GYS2: variants seen among roughly 807,000 people sequenced by gnomAD.
GYS2 encodes glycogen [starch] synthase, liver.
Under a neutral mutation model 85.6 loss-of-function variants are expected in GYS2, and 80 were observed. The observed-to-expected ratio is 0.93, with a 90% CI of 0.78 to 1.13. The LOEUF is 1.13. Among genes scored for constraint, GYS2 ranks in the 50% most tolerant of loss-of-function variants. GYS2 has a pLI of 0.00. For missense variants in GYS2, 881 were observed against 854.9 expected (o/e 1.03, Z -0.38); for synonymous variants, 328 against 300.7 (o/e 1.09, Z -0.94).
At position 21,536,724 on chromosome 12, in the gene GYS2, C is replaced by T. The variant is rs1160785938; in HGVS notation, c.*230G>A. ...TTCCGTCTTCTGCCTTTAATGAGTG[C>T]TCCTCCTCATGCCTAACTTTATGGG... is the stretch of plus-strand genomic sequence containing the variant. On this transcript the variant is annotated 3_prime_UTR_variant, in exon 16 of 16. Transcript: ENST00000261195. 2 of 564,682 alleles carry T rather than the reference C, an allele frequency of 3.5e-6. No individual in the cohort carries two copies. The highest frequency in any genetic ancestry group is 3.2e-6 in the Non-Finnish European group (1 of 317,282). 35.0% of individuals were successfully genotyped at this position (564,682 alleles called of 1,614,324 possible). A position where few individuals can be genotyped will look rare whatever the true frequency, so the allele number is the denominator to read the frequency against.
At chr12:21,578,984 G>A (rs922595966) in intron 2 of GYS2, among the ~76,000 whole-genome samples, 2 of 152,016 alleles carry the variant, frequency 1.3e-5, no homozygotes, top group African/African-American at 2.4e-5. Context: ...CACAACTTCT[G>A]TGTCTTTTTT....
At chr12:21,560,781 GCCTTTGA>G (rs1447360785) in intron 7 of GYS2, among the ~76,000 whole-genome samples, 2 of 152,000 alleles carry the variant, frequency 1.3e-5, no homozygotes, top group African/African-American at 4.8e-5. Flanking sequence ...ATATTTTCGT[GCCTTTGA>G]CCATCTAGAA....
At chr12:21,560,244 G>A (rs528878599) in intron 8 of GYS2, 142 bp downstream of exon 8, 4 of 661,396 alleles carry the variant, frequency 6.0e-6, no homozygotes, top group Admixed American at 2.3e-5. Context: ...ATAGTAGCAC[G>A]ATGAAAAGAG....
In GYS2 at chr12:21,539,276, T is replaced by C. The variant is rs142883971; in HGVS notation, c.1872A>G (p.Glu624=). ...TATTTACCGTTGGTGGTGATGTTAG[T>C]TCCACATGGAATTTATCTGGAAAAG... ...SRAFPDKFHV[E]LTSPPTTEGF... is the part of the protein sequence containing the mutation. The change falls in exon 15 of 16, where the codon GAA becomes GAG. Residue 624 remains glutamate, a synonymous_variant. Transcript: ENST00000261195. The C allele has an allele frequency of 9.4e-4, 1,500 of 1,587,868 alleles. 14 individuals are homozygous for C. The African/African-American group carries it at 0.019, about 20-fold the overall frequency.
chr12:21,554,024 GC>G (rs1196414102), intron 11 of GYS2, among the ~76,000 whole-genome samples: 1 of 152,084 alleles, frequency 6.6e-6, no homozygotes, highest in African/African-American at 2.4e-5. Context: ...CACAAGTGCT[GC>G]TGCTGTGTGT....
At chr12:21,599,933 T>C (rs911649959) in intron 1 of GYS2, among the ~76,000 whole-genome samples, 4 of 152,098 alleles carry the variant, frequency 2.6e-5, no homozygotes, top group Admixed American at 1.3e-4. Flanking sequence ...TTTCTTTTAA[T>C]TTTCACAACA....
chr12:21,559,563 C>A (rs199563712), intron 9 of GYS2, 88 bp downstream of exon 9: 2 of 800,758 alleles, frequency 2.5e-6, no homozygotes, highest in African/African-American at 1.7e-5. Context: ...ATATTTGGAA[C>A]AAAATTAATA....
At chr12:21,551,778 A>G (rs117204215) in intron 11 of GYS2, among the ~76,000 whole-genome samples, 3,129 of 152,340 alleles carry the variant, frequency 0.021, 64 homozygotes, top group Non-Finnish European at 0.029. Flanking sequence ...CTCACTACAA[A>G]AAAAGACAAA....
In GYS2 at chr12:21,536,749, G is replaced by T; in HGVS notation, c.*205C>A. The T allele has an allele frequency of 1.7e-6, 1 of 590,964 alleles. No homozygotes were observed. Among genetic ancestry groups the T allele is most frequent in the Admixed American group, 2.9e-5 (1 of 34,890 alleles). 36.6% of individuals were successfully genotyped at this position (590,964 alleles called of 1,614,324 possible). On this transcript the variant is annotated 3_prime_UTR_variant, in exon 16 of 16. Coordinates refer to ENST00000261195, the MANE Select transcript of GYS2 (RefSeq NM_021957.4). ...CTCCTCCTCATGCCTAACTTTATGGGGGAAACAAGAGTTGGGGAAAATAAC... is the reference window on the plus strand; with the variant it reads ...CTCCTCCTCATGCCTAACTTTATGGTGGAAACAAGAGTTGGGGAAAATAAC...
intron 3 of GYS2, among the ~76,000 whole-genome samples, chr12:21,575,426 C>T (rs1361199054): frequency 6.6e-6 from 1 of 152,132 alleles, no homozygotes; most frequent in Non-Finnish European, 1.5e-5. Context: ...TTGAAGAAGG[C>T]TGAGCAGAGA....
At chr12:21,580,663 A>G (rs923172131) in intron 1 of GYS2, 140 bp from the exon 2 acceptor site, 2 of 721,304 alleles carry the variant, frequency 2.8e-6, no homozygotes, top group Admixed American at 2.1e-5. Context: ...TTCAAAAATA[A>G]TAGTATTTGA....
intron 3 of GYS2, 36 bp from the exon 4 acceptor site, chr12:21,574,362 T>C (rs1262930705): frequency 2.0e-6 from 3 of 1,477,438 alleles, no homozygotes; most frequent in Admixed American, 1.7e-5. Flanking sequence ...AGAAAAGTTG[T>C]TGATGAAGCT....
At chr12:21,561,446 A>T (rs547523539) in intron 7 of GYS2, among the ~76,000 whole-genome samples, 12 of 152,268 alleles carry the variant, frequency 7.9e-5, no homozygotes, top group South Asian at 2.1e-4. Flanking sequence ...TTTATTAGGG[A>T]AAGCTACTGA....
chr12:21,570,245 A>G (rs754483776), intron 4 of GYS2, among the ~76,000 whole-genome samples: 3 of 152,240 alleles, frequency 2.0e-5, no homozygotes, highest in Non-Finnish European at 4.4e-5. Context: ...TAAAAGCTCT[A>G]TGTGGCCAGC....
chr12:21,574,552 A>AT (rs1452779200), intron 3 of GYS2, among the ~76,000 whole-genome samples: 1 of 152,144 alleles, frequency 6.6e-6, no homozygotes, highest in Non-Finnish European at 1.5e-5. Flanking sequence ...GATGGAGCAG[A>AT]TTTTTTATAT....
chr12:21,562,172 ATT>A (rs1193707635), intron 7 of GYS2, among the ~76,000 whole-genome samples: 23 of 152,092 alleles, frequency 1.5e-4, no homozygotes, highest in Admixed American at 1.5e-3. Flanking sequence ...AAAAAAAATG[ATT>A]TCACATGGTT....
intron 11 of GYS2, among the ~76,000 whole-genome samples, chr12:21,553,506 T>C (rs77506796): frequency 7.9e-5 from 12 of 152,310 alleles, no homozygotes; most frequent in Non-Finnish European, 1.5e-4. Context: ...CTTACAGGAC[T>C]GGCAGAAACT....
At chr12:21,588,576 T>A (rs1944599319) in intron 1 of GYS2, among the ~76,000 whole-genome samples, 2 of 152,196 alleles carry the variant, frequency 1.3e-5, no homozygotes, top group Admixed American at 6.5e-5. Context: ...AAGGAAAAGT[T>A]TTTTACTGTA....
intron 4 of GYS2, among the ~76,000 whole-genome samples, chr12:21,572,989 C>A: frequency 6.6e-6 from 1 of 152,140 alleles, no homozygotes; most frequent in East Asian, 1.9e-4. Flanking sequence ...TACTATATAC[C>A]GCTAAGAACC....
Sources: gnomAD v4.1 joint callset for allele counts (sites outside exome capture counted in the v4.1 genomes callset) on GRCh38, gnomAD v4.1.1 for gene constraint, MANE v1.5 for transcripts, NCBI Gene and HGNC (gene_info 2026-07-23, HGNC 2026-07-21) for gene names.